DACH2: variants seen among roughly 807,000 people sequenced by gnomAD.
DACH2 encodes dachshund homolog 2.
In DACH2, 17 loss-of-function variants were observed where a neutral mutation model predicts 35.8. The ratio of observed to expected loss-of-function variants is 0.48; its 90% CI spans 0.33 to 0.71. DACH2 has a LOEUF of 0.71. Among genes scored for constraint, DACH2 ranks in the 30% least tolerant of loss-of-function variants. DACH2 has a pLI of 0.02. For missense variants in DACH2, 469 were observed against 472.7 expected (o/e 0.99, Z 0.07); for synonymous variants, 195 against 177.3 (o/e 1.10, Z -0.79).
intron 7 of DACH2, among the ~76,000 whole-genome samples, chrX:86,804,145 A>G (rs1161607389): frequency 1.8e-5 from 2 of 112,210 alleles, no homozygotes; most frequent in Non-Finnish European, 3.8e-5. Context: ...AGTAATTTAT[A>G]AAGCAAAGAG....
chrX:86,412,901 G>A (rs754282444), intron 2 of DACH2, among the ~76,000 whole-genome samples: 42 of 111,281 alleles, frequency 3.8e-4, no homozygotes, highest in East Asian at 5.7e-4. Flanking sequence ...GCAGCCTTTC[G>A]GGTCACTCAA....
At chrX:86,303,773 G>A (rs1439958228) in intron 1 of DACH2, among the ~76,000 whole-genome samples, 2 of 109,988 alleles carry the variant, frequency 1.8e-5, no homozygotes, top group African/African-American at 6.6e-5. Context: ...GACTTATAGA[G>A]TGAATCTTGC....
At chrX:86,498,710 G>T (rs769123537) in intron 2 of DACH2, among the ~76,000 whole-genome samples, 1 of 111,985 alleles carries the variant, frequency 8.9e-6, no homozygotes, top group Non-Finnish European at 1.9e-5. Context: ...GTTATGAATT[G>T]CCATAAATTT....
chrX:86,556,802 A>AGG (rs2039134712), intron 3 of DACH2, among the ~76,000 whole-genome samples: 1 of 76,795 alleles, frequency 1.3e-5, no homozygotes, highest in Non-Finnish European at 2.4e-5. Context: ...ATATAGAGAG[A>AGG]GAGAGAGAGA....
chrX:86,383,114 A>T (rs2036071049), intron 2 of DACH2, among the ~76,000 whole-genome samples: 2 of 110,687 alleles, frequency 1.8e-5, no homozygotes, highest in South Asian at 7.6e-4. Flanking sequence ...GGGTTAGCTA[A>T]TTTTTTTCAT....
rs186201145 is a variant in DACH2 at position 86,388,954 on chromosome X, A to G, written c.527+12092A>G. ...CATCTGTATCTCTCTTGCTCAAAAA[A>G]TACAGACTTTAAGGCTTATATAAAA... On this transcript the variant is annotated intron_variant, in intron 2 of 11. Coordinates refer to ENST00000373125, the MANE Select transcript of DACH2 (RefSeq NM_053281.3). Among the ~76,000 whole-genome samples the G allele has an allele frequency of 1.8e-3, 201 of 111,610 alleles. 1 individual carries two copies. Among genetic ancestry groups the G allele is most frequent in the African/African-American group, 6.2e-3 (190 of 30,789 alleles).
chrX:86,451,622 A>T (rs944588572), intron 2 of DACH2, among the ~76,000 whole-genome samples: 1 of 111,494 alleles, frequency 9.0e-6, no homozygotes, highest in Admixed American at 9.6e-5. Flanking sequence ...ATGAAAATAG[A>T]TTTGAATCTA....
chrX:86,589,266 T>G (rs996093491), intron 3 of DACH2, among the ~76,000 whole-genome samples: 1 of 111,639 alleles, frequency 9.0e-6, no homozygotes, highest in African/African-American at 3.2e-5. Context: ...TATGAATTTT[T>G]GGGTCTCGAT....
intron 1 of DACH2, among the ~76,000 whole-genome samples, chrX:86,153,149 A>G (rs1338209004): frequency 9.0e-6 from 1 of 111,319 alleles, no homozygotes; most frequent in Non-Finnish European, 1.9e-5. Context: ...GGTCATTTAG[A>G]GTTAAATGGG....
chrX:86,596,772 C>T (rs1015027002), intron 3 of DACH2, among the ~76,000 whole-genome samples: 6 of 110,941 alleles, frequency 5.4e-5, no homozygotes. Context: ...CCCCTCAGTG[C>T]CATATCTAAG....
At chrX:86,479,031 T>A (rs1285703608) in intron 2 of DACH2, among the ~76,000 whole-genome samples, 1 of 110,136 alleles carries the variant, frequency 9.1e-6, no homozygotes, top group Non-Finnish European at 1.9e-5. Flanking sequence ...CAGCAGGTGG[T>A]TGGGGAGCAG....
chrX:86,591,445 C>T (rs1253517632), intron 3 of DACH2, among the ~76,000 whole-genome samples: 1 of 110,899 alleles, frequency 9.0e-6, no homozygotes, highest in African/African-American at 3.3e-5. Flanking sequence ...ACCAACATTA[C>T]AATTTTTTAA....
intron 3 of DACH2, among the ~76,000 whole-genome samples, chrX:86,626,780 C>T (rs371276496): frequency 2.5e-4 from 28 of 112,783 alleles, no homozygotes; most frequent in East Asian, 2.3e-3. Flanking sequence ...TTAGTCATAG[C>T]TGAGATGCAG....
At chrX:86,181,348 C>G (rs141628640) in intron 1 of DACH2, among the ~76,000 whole-genome samples, 3,617 of 110,508 alleles carry the variant, frequency 0.033, 144 homozygotes, top group African/African-American at 0.11. Context: ...CTCCCAACCC[C>G]CGACAGGCCC....
intron 1 of DACH2, among the ~76,000 whole-genome samples, chrX:86,333,107 G>A (rs2035241623): frequency 9.0e-6 from 1 of 111,584 alleles, no homozygotes; most frequent in Non-Finnish European, 1.9e-5. Context: ...AGGGATAAAC[G>A]ACTGTATGAT....
Position 86,244,606 on chromosome X carries a change from G to A in DACH2, c.488+95498G>A, listed in dbSNP as rs938727088. On this transcript the variant is annotated intron_variant, in intron 1 of 11. Transcript: ENST00000373125. ...TCCAGCCTGGGCAGTAGAGTGAGACGCCATCTCTAAAAATAACTCTAGTCT... is the reference window on the plus strand; with the variant it reads ...TCCAGCCTGGGCAGTAGAGTGAGACACCATCTCTAAAAATAACTCTAGTCT... Among the ~76,000 whole-genome samples the A allele has an allele frequency of 7.2e-5, 8 of 111,322 alleles. No individual in the cohort carries two copies. The South Asian group carries it at 1.1e-3, about 16-fold the overall frequency.
chrX:86,321,901 T>A (rs1325800094), intron 1 of DACH2, among the ~76,000 whole-genome samples: 1 of 111,940 alleles, frequency 8.9e-6, no homozygotes, highest in East Asian at 2.8e-4. Context: ...GGTACCCTAG[T>A]GGTGCCCCTT....
At chrX:86,593,907 A>C (rs2039680497) in intron 3 of DACH2, among the ~76,000 whole-genome samples, 1 of 111,660 alleles carries the variant, frequency 9.0e-6, no homozygotes, top group South Asian at 3.7e-4. Flanking sequence ...TCTGGAAAAG[A>C]TTATGGAGAA....
intron 7 of DACH2, among the ~76,000 whole-genome samples, chrX:86,763,941 C>T (rs2041908149): frequency 9.0e-6 from 1 of 111,422 alleles, no homozygotes; most frequent in Non-Finnish European, 1.9e-5. Flanking sequence ...AGACATACAC[C>T]AAAATGCTAA....
Sources: gnomAD v4.1 joint callset for allele counts (sites outside exome capture counted in the v4.1 genomes callset) on GRCh38, gnomAD v4.1.1 for gene constraint, MANE v1.5 for transcripts, NCBI Gene and HGNC (gene_info 2026-07-23, HGNC 2026-07-21) for gene names.